CDKAL1: variants seen among roughly 807,000 people sequenced by gnomAD.
The protein encoded by CDKAL1 is threonylcarbamoyladenosine tRNA methylthiotransferase.
In CDKAL1, 32 loss-of-function variants were observed where a neutral mutation model predicts 68.2. The ratio of observed to expected loss-of-function variants is 0.47; its 90% CI spans 0.35 to 0.63. The LOEUF is 0.63. Ranked by LOEUF, CDKAL1 falls within the 30% of genes least tolerant of loss-of-function variation. The pLI is 0.00. For missense variants in CDKAL1, 606 were observed against 696.7 expected, an observed-to-expected ratio of 0.87 and a Z score of 1.47; for synonymous variants, 234 against 244.3, an observed-to-expected ratio of 0.96 and a Z score of 0.39.
At chr6:20,795,078 A>G (rs531667305) in intron 8 of CDKAL1, among the ~76,000 whole-genome samples, 34 of 152,094 alleles carry the variant, frequency 2.2e-4, no homozygotes, top group African/African-American at 7.7e-4. Flanking sequence ...TCTGGACTTC[A>G]TATCACCTTG....
chr6:20,535,398 C>A lies in CDKAL1; in HGVS notation c.-6+4C>A, dbSNP rs1054382426. 2.0e-5 allele frequency: 3 copies of A among 152,282 alleles called. No individual in the cohort carries two copies. Among genetic ancestry groups the A allele is most frequent in the Non-Finnish European group, 2.9e-5 (2 of 68,044 alleles). The allele number at this position is 152,282 out of a possible 1,614,324, so 9.4% of individuals were successfully genotyped here. ...AGACTAATTGCAGATAATTAAGGTA[C>A]TGATTTATTTTAAACCTTTTATGTT... On this transcript the variant is annotated splice_donor_region_variant and intron_variant, in intron 2 of 15. Transcript: ENST00000274695.
intron 7 of CDKAL1, among the ~76,000 whole-genome samples, chr6:20,768,462 C>A (rs1206531492): frequency 6.6e-6 from 1 of 152,138 alleles, no homozygotes; most frequent in African/African-American, 2.4e-5. Flanking sequence ...TTCTATATGC[C>A]AGATTTTACT....
intron 8 of CDKAL1, among the ~76,000 whole-genome samples, chr6:20,811,587 G>A (rs1776818879): frequency 1.3e-5 from 2 of 152,050 alleles, no homozygotes; most frequent in South Asian, 4.2e-4. Flanking sequence ...AGATTGTGTT[G>A]TAAACTGGAA....
chr6:21,162,075 G>A (rs1017225291), intron 13 of CDKAL1, among the ~76,000 whole-genome samples: 1 of 152,210 alleles, frequency 6.6e-6, no homozygotes, highest in Non-Finnish European at 1.5e-5. Context: ...GTTGCAGGAA[G>A]TAGAGGTTTG....
intron 4 of CDKAL1, among the ~76,000 whole-genome samples, chr6:20,570,033 A>G (rs1764633401): frequency 6.6e-6 from 1 of 152,140 alleles, no homozygotes. Flanking sequence ...TAAGAAAGGC[A>G]TTGATGGGAC....
In CDKAL1 at chr6:20,583,755, T is replaced by C. The variant is rs1765229093; in HGVS notation, c.286+35050T>C. Among the ~76,000 whole-genome samples, 4 of 151,226 alleles carry C rather than the reference T, an allele frequency of 2.6e-5. No individual in the cohort carries two copies. In the South Asian group the frequency reaches 8.3e-4, roughly 31 times the overall value. Reference sequence around the variant, plus strand: ...ATAATAGATGTATTGCATTATCTTATCTCATCAGACACTTTTGTTAGTAAA... The same window carrying C: ...ATAATAGATGTATTGCATTATCTTACCTCATCAGACACTTTTGTTAGTAAA... On this transcript the variant is annotated intron_variant, in intron 4 of 15. Coordinates refer to ENST00000274695, the MANE Select transcript of CDKAL1 (RefSeq NM_017774.3).
At chr6:20,602,044 C>T (rs1016830961) in intron 4 of CDKAL1, among the ~76,000 whole-genome samples, 1 of 152,180 alleles carries the variant, frequency 6.6e-6, no homozygotes, top group Non-Finnish European at 1.5e-5. Context: ...TGAGAACTTG[C>T]TGTGTAAGGG....
intron 8 of CDKAL1, among the ~76,000 whole-genome samples, chr6:20,794,848 A>AT (rs1167974121): frequency 1.3e-5 from 2 of 152,040 alleles, no homozygotes; most frequent in African/African-American, 4.8e-5. Context: ...AGCAGATTAG[A>AT]TTTTGTTTGT....
rs973247441 is a variant in CDKAL1, at chr6:20,992,196, T to TTATA, written c.910-8019_910-8016dup. Among the ~76,000 whole-genome samples, 990 of 141,092 alleles carry TTATA rather than the reference T, an allele frequency of 7.0e-3. 56 individuals carry two copies. Among genetic ancestry groups the TTATA allele is most frequent in the African/African-American group, 0.027 (927 of 34,400 alleles). The allele number at this position is 141,092 out of a possible 152,430, so 92.6% of individuals were successfully genotyped here. On this transcript the variant is annotated intron_variant, in intron 10 of 15. Coordinates refer to ENST00000274695, the MANE Select transcript of CDKAL1 (RefSeq NM_017774.3). ...GCACACGTGACCATAGTCAGCTTTT[T>TTATA]TATATATATATATATGTATTTTGTA...
intron 4 of CDKAL1, among the ~76,000 whole-genome samples, chr6:20,573,777 C>T (rs112112202): frequency 1.0e-3 from 157 of 152,240 alleles, no homozygotes; most frequent in African/African-American, 3.4e-3. Context: ...AAGCATTGTA[C>T]AGAGAAGACC....
chr6:20,881,627 A>T (rs1047834117), intron 9 of CDKAL1, among the ~76,000 whole-genome samples: 1 of 152,200 alleles, frequency 6.6e-6, no homozygotes, highest in Non-Finnish European at 1.5e-5. Flanking sequence ...TAGGTAAGCA[A>T]CCATATTATT....
intron 11 of CDKAL1, among the ~76,000 whole-genome samples, chr6:21,047,146 A>G (rs1770283889): frequency 6.6e-6 from 1 of 151,664 alleles, no homozygotes; most frequent in Non-Finnish European, 1.5e-5. Flanking sequence ...GTTGGCCTTG[A>G]ACTCCTAGAT....
chr6:20,664,762 CT>C (rs1196849087), intron 5 of CDKAL1, among the ~76,000 whole-genome samples: 1 of 152,176 alleles, frequency 6.6e-6, no homozygotes, highest in East Asian at 1.9e-4. Context: ...TTAAAAAATT[CT>C]CTTCTATCTA....
chr6:20,907,264 A>G (rs1056431260), intron 9 of CDKAL1, among the ~76,000 whole-genome samples: 3 of 152,188 alleles, frequency 2.0e-5, no homozygotes, highest in Non-Finnish European at 4.4e-5. Flanking sequence ...CTCTATAAAA[A>G]TATAAAATTT....
At chr6:20,672,284 C>T (rs960312761) in intron 5 of CDKAL1, among the ~76,000 whole-genome samples, 5 of 136,106 alleles carry the variant, frequency 3.7e-5, no homozygotes, top group Admixed American at 7.1e-5. Context: ...CTTTCTTTCT[C>T]TCTCTCTCTC....
chr6:20,951,560 A>G (rs1345644264), intron 9 of CDKAL1, among the ~76,000 whole-genome samples: 2 of 152,134 alleles, frequency 1.3e-5, no homozygotes, highest in Non-Finnish European at 2.9e-5. Context: ...GCTGGTCTGT[A>G]ATTGCTTGGG....
chr6:20,934,965 G>A (rs904353657), intron 9 of CDKAL1, among the ~76,000 whole-genome samples: 3 of 145,500 alleles, frequency 2.1e-5, no homozygotes, highest in South Asian at 2.2e-4. Flanking sequence ...GCGCAGTCTC[G>A]GCTCACTGCA....
chr6:20,726,467 G>T (rs1300346654), intron 5 of CDKAL1, among the ~76,000 whole-genome samples: 2 of 152,160 alleles, frequency 1.3e-5, no homozygotes, highest in Non-Finnish European at 2.9e-5. Flanking sequence ...TGGAGCCATG[G>T]TCACTCATAT....
chr6:21,035,805 C>T (rs530844241), intron 11 of CDKAL1, among the ~76,000 whole-genome samples: 4 of 152,064 alleles, frequency 2.6e-5, no homozygotes, highest in Non-Finnish European at 5.9e-5. Context: ...ATTCTTGCTG[C>T]CAAACACTGA....
Sources: gnomAD v4.1 joint callset for allele counts (sites outside exome capture counted in the v4.1 genomes callset) on GRCh38, gnomAD v4.1.1 for gene constraint, MANE v1.5 for transcripts, NCBI Gene and HGNC (gene_info 2026-07-23, HGNC 2026-07-21) for gene names.